JPH3: variants seen among roughly 807,000 people sequenced by gnomAD.
JPH3 encodes the protein junctophilin-3.
Under a neutral mutation model 59.6 loss-of-function variants are expected in JPH3, and 11 were observed. The observed-to-expected ratio is 0.18, with a 90% CI of 0.12 to 0.31. The LOEUF is 0.31. Among genes scored for constraint, JPH3 ranks in the 10% least tolerant of loss-of-function variants. The pLI, the probability that JPH3 is intolerant of heterozygous loss-of-function variation, is 1.00. For synonymous variants in JPH3, 673 were observed against 483.6 expected (o/e 1.39, Z -5.14); for missense variants, 1,202 against 1,105.7 (o/e 1.09, Z -1.24).
In JPH3 at chr16:87,636,393, G is replaced by C. The variant is rs192263164; in HGVS notation, c.383-7865G>C. Among the ~76,000 whole-genome samples the C allele has an allele frequency of 3.8e-4, 58 of 152,374 alleles. 1 individual carries two copies. Among genetic ancestry groups the C allele is most frequent in the Non-Finnish European group, 2.5e-4 (17 of 68,036 alleles). ...TCAAGCATAAATGCAAAGGGCTGGG[G>C]GTGGCCGAGCTGATGGTGCAGGCGT... On this transcript the variant is annotated intron_variant, in intron 1 of 4. Transcript: ENST00000284262.
intron 1 of JPH3, among the ~76,000 whole-genome samples, chr16:87,643,485 T>G (rs2032024807): frequency 6.6e-6 from 1 of 151,922 alleles, no homozygotes; most frequent in Admixed American, 6.6e-5. Flanking sequence ...GTGTGTCCAC[T>G]GTGTGGTCTT....
intron 2 of JPH3, among the ~76,000 whole-genome samples, chr16:87,646,531 T>C (rs897990729): frequency 2.0e-5 from 3 of 152,246 alleles, no homozygotes; most frequent in Non-Finnish European, 4.4e-5. Context: ...ATGTAATACT[T>C]GTTCCACAGG....
intron 2 of JPH3, among the ~76,000 whole-genome samples, chr16:87,678,870 G>A (rs2033216618): frequency 6.6e-6 from 1 of 150,792 alleles, no homozygotes. Context: ...GGCGCCAGCA[G>A]CCGCCAGCAG....
chr16:87,681,580 G>A lies in JPH3; in HGVS notation c.1161-2562G>A, dbSNP rs563045818. Among the ~76,000 whole-genome samples, 10 of 139,498 alleles carry A rather than the reference G, an allele frequency of 7.2e-5. No homozygotes were observed. In the South Asian group the frequency reaches 1.4e-3, roughly 20 times the overall value. The allele number at this position is 139,498 out of a possible 152,430, so 91.5% of individuals were successfully genotyped here. A position where few individuals can be genotyped will look rare whatever the true frequency, so the allele number is the denominator to read the frequency against. On this transcript the variant is annotated intron_variant, in intron 2 of 4. Transcript: ENST00000284262. The stretch of plus-strand genomic sequence containing the variant: ...AGGTGCGCCTGGTGATGACAGTTCC[G>A]GGAGGTCAGGTGCGCGCGGTGATGA...
chr16:87,678,535 TCA>T (rs752050073), intron 2 of JPH3, among the ~76,000 whole-genome samples: 35 of 151,112 alleles, frequency 2.3e-4, no homozygotes, highest in Admixed American at 4.6e-4. Flanking sequence ...CCAGACTCCA[TCA>T]CACACACACA....
chr16:87,626,632 G>A (rs1378091970), intron 1 of JPH3, among the ~76,000 whole-genome samples: 1 of 152,242 alleles, frequency 6.6e-6, no homozygotes, highest in South Asian at 2.1e-4. Flanking sequence ...CGCAGTCCTC[G>A]GCCTGAGGCC....
chr16:87,670,040 A>G (rs1244785869), intron 2 of JPH3, among the ~76,000 whole-genome samples: 1 of 152,092 alleles, frequency 6.6e-6, no homozygotes, highest in Non-Finnish European at 1.5e-5. Flanking sequence ...TTCCATTCAC[A>G]GGTAGGGACA....
At chr16:87,631,066 C>A (rs1254957952) in intron 1 of JPH3, among the ~76,000 whole-genome samples, 1 of 152,062 alleles carries the variant, frequency 6.6e-6, no homozygotes, top group Non-Finnish European at 1.5e-5. Context: ...TTTCACCTTC[C>A]AACTGCTCAG....
In JPH3 at chr16:87,690,088, G is replaced by T. The variant is rs1340724626; in HGVS notation, c.1728G>T (p.Thr576=). The change falls in exon 4 of 5, where the codon ACG becomes ACT. Residue 576 remains threonine, a synonymous_variant. Coordinates refer to ENST00000284262, the MANE Select transcript of JPH3 (RefSeq NM_020655.4). ...PGNPKPRERR[T]ESPPVFTWTS... is the part of the protein sequence containing the mutation. Reference sequence around the variant, plus strand: ...ACCCCAAGCCGCGGGAGCGGCGGACGGAGTCACCCCCCGTGTTCACGTGGA... The same window carrying T: ...ACCCCAAGCCGCGGGAGCGGCGGACTGAGTCACCCCCCGTGTTCACGTGGA... 3 of 1,567,918 alleles carry T rather than the reference G, an allele frequency of 1.9e-6. No individual in the cohort carries two copies. Among genetic ancestry groups the T allele is most frequent in the South Asian group, 1.2e-5 (1 of 85,850 alleles).
At chr16:87,648,712 T>A (rs2032234637) in intron 2 of JPH3, among the ~76,000 whole-genome samples, 1 of 151,788 alleles carries the variant, frequency 6.6e-6, no homozygotes, top group African/African-American at 2.4e-5. Context: ...TCACCATGGG[T>A]TCTAAGGCAC....
intron 1 of JPH3, among the ~76,000 whole-genome samples, chr16:87,606,467 C>A (rs903907047): frequency 6.6e-6 from 1 of 152,158 alleles, no homozygotes; most frequent in Non-Finnish European, 1.5e-5. Context: ...TAGCTCCTAC[C>A]GTCTGCATGG....
intron 1 of JPH3, among the ~76,000 whole-genome samples, chr16:87,625,518 G>A (rs1238880104): frequency 6.6e-6 from 1 of 152,204 alleles, no homozygotes; most frequent in Non-Finnish European, 1.5e-5. Context: ...CTGAGCAGGA[G>A]GAGCAGGGCC....
chr16:87,642,818 TC>T (rs2031999055), intron 1 of JPH3, among the ~76,000 whole-genome samples: 3 of 152,224 alleles, frequency 2.0e-5, no homozygotes, highest in Admixed American at 2.0e-4. Context: ...CCCAGAAACT[TC>T]CCTGAGTCAC....
At chr16:87,619,235 C>G (rs984713971) in intron 1 of JPH3, among the ~76,000 whole-genome samples, 5 of 151,272 alleles carry the variant, frequency 3.3e-5, no homozygotes, top group Non-Finnish European at 2.9e-5. Context: ...ATCACTTGAG[C>G]TCAGGAAATC....
intron 1 of JPH3, among the ~76,000 whole-genome samples, chr16:87,631,611 A>G (rs2031569218): frequency 6.6e-6 from 1 of 152,144 alleles, no homozygotes; most frequent in African/African-American, 2.4e-5. Flanking sequence ...TGAGCCCTCC[A>G]GTCTGGACGC....
At chr16:87,607,851 G>A (rs1362459618) in intron 1 of JPH3, among the ~76,000 whole-genome samples, 1 of 152,266 alleles carries the variant, frequency 6.6e-6, no homozygotes, top group Non-Finnish European at 1.5e-5. Context: ...CAAGCCCTGA[G>A]CAGTTGGAGA....
chr16:87,640,264 G>T (rs985155493), intron 1 of JPH3, among the ~76,000 whole-genome samples: 2 of 151,718 alleles, frequency 1.3e-5, no homozygotes. Flanking sequence ...GGGAGGCAAA[G>T]GTTACAGTGA....
intron 1 of JPH3, among the ~76,000 whole-genome samples, chr16:87,615,551 T>C (rs1334340313): frequency 1.3e-5 from 2 of 152,162 alleles, no homozygotes; most frequent in African/African-American, 4.8e-5. Context: ...GGCTCCCCCA[T>C]TTTCCAGATG....
chr16:87,639,873 C>G (rs1161102426), intron 1 of JPH3, among the ~76,000 whole-genome samples: 3 of 152,252 alleles, frequency 2.0e-5, no homozygotes, highest in Non-Finnish European at 2.9e-5. Flanking sequence ...GAATATTCCA[C>G]TGCATGGGGG....
Sources: allele counts gnomAD v4.1 joint callset (sites outside exome capture counted in the v4.1 genomes callset), GRCh38; gene constraint gnomAD v4.1.1; transcripts MANE v1.5; gene names NCBI Gene and HGNC (gene_info 2026-07-23, HGNC 2026-07-21).